The following MAGI1 variants were observed in gnomAD, a reference collection of about 807,000 sequenced individuals.
MAGI1 encodes membrane-associated guanylate kinase, WW and PDZ domain-containing protein 1.
In MAGI1, 58 loss-of-function variants were observed where a neutral mutation model predicts 139.9. The observed-to-expected ratio is 0.41, with a 90% confidence interval of 0.34 to 0.52. The LOEUF is 0.52. MAGI1 is among the 20% of genes least tolerant of loss of function. The pLI, the probability that MAGI1 is intolerant of heterozygous loss-of-function variation, is 0.12. For missense variants in MAGI1, 1,874 were observed against 1,901.6 expected, an observed-to-expected ratio of 0.99 and a Z score of 0.27; for synonymous variants, 812 against 737.9, an observed-to-expected ratio of 1.10 and a Z score of -1.63.
rs867814770 is a variant in MAGI1 at position 65,764,392 on chromosome 3, G to A, written c.314-142304C>T. Among the ~76,000 whole-genome samples the A allele has an allele frequency of 2.0e-5, 3 of 152,272 alleles. No individual in the cohort carries two copies. In the Middle Eastern group the frequency reaches 0.01, roughly 518 times the overall value. On this transcript the variant is annotated intron_variant, in intron 1 of 22. Transcript: ENST00000402939. The stretch of plus-strand genomic sequence containing the variant: ...CCCCTCTCCCCCACTATTCAAAAAG[G>A]AAAGGAAAAGCTGGATGTCTAGCTC...
chr3:65,742,761 G>A (rs2035382586), intron 1 of MAGI1, among the ~76,000 whole-genome samples: 1 of 152,180 alleles, frequency 6.6e-6, no homozygotes. Flanking sequence ...ACAGGATTCT[G>A]CTGAGCTGGT....
chr3:65,861,381 A>G (rs2059551037), intron 1 of MAGI1, among the ~76,000 whole-genome samples: 1 of 152,170 alleles, frequency 6.6e-6, no homozygotes, highest in Non-Finnish European at 1.5e-5. Context: ...GTCACTCTTG[A>G]GTTACCCTCT....
intron 12 of MAGI1, among the ~76,000 whole-genome samples, chr3:65,416,320 G>C (rs1352355885): frequency 6.6e-6 from 1 of 152,162 alleles, no homozygotes; most frequent in East Asian, 1.9e-4. Flanking sequence ...GTCATAGCTG[G>C]TCCATGTTGC....
chr3:65,493,254 A>G (rs1952188164), intron 3 of MAGI1, among the ~76,000 whole-genome samples: 1 of 152,200 alleles, frequency 6.6e-6, no homozygotes, highest in South Asian at 2.1e-4. Flanking sequence ...TCCGTATTAA[A>G]AACAAAACAC....
chr3:65,726,276 A>G (rs1189052468), intron 1 of MAGI1, among the ~76,000 whole-genome samples: 1 of 152,240 alleles, frequency 6.6e-6, no homozygotes, highest in East Asian at 1.9e-4. Context: ...TTAATATTTC[A>G]CAATGAGAAA....
In MAGI1 at chr3:65,364,918, A is replaced by G. The variant is rs748764569; in HGVS notation, c.3225T>C (p.Asn1075=). 2 of 1,613,856 alleles carry G rather than the reference A, an allele frequency of 1.2e-6. No homozygotes were observed. The highest frequency in any genetic ancestry group is 1.7e-6 in the Non-Finnish European group (2 of 1,179,930). The change falls in exon 19 of 23, where the codon AAT becomes AAC. Residue 1075 remains asparagine, a synonymous_variant. Transcript: ENST00000402939. ...DESSNATLLT[N]AEKIATITTT... ...TGGTGATGGTGGCAATCTTCTCTGC[A>G]TTGGTCAGCAAGGTGGCATTCGAGG...
chr3:65,690,197 G>A (rs566538110), intron 1 of MAGI1, among the ~76,000 whole-genome samples: 17 of 152,262 alleles, frequency 1.1e-4, no homozygotes, highest in African/African-American at 4.1e-4. Context: ...AGACTACATG[G>A]AGTCTATTTG....
chr3:65,878,194 C>T (rs1288347085), intron 1 of MAGI1, among the ~76,000 whole-genome samples: 1 of 152,048 alleles, frequency 6.6e-6, no homozygotes, highest in African/African-American at 2.4e-5. Flanking sequence ...AACACGGTTT[C>T]CAGGCTTCAA....
At chr3:65,623,183 G>C (rs1395300036) in intron 1 of MAGI1, among the ~76,000 whole-genome samples, 8 of 152,198 alleles carry the variant, frequency 5.3e-5, no homozygotes, top group Non-Finnish European at 1.2e-4. Flanking sequence ...CAGACAGAGA[G>C]AGAGACATAG....
At chr3:65,837,266 C>T (rs2042864682) in intron 1 of MAGI1, among the ~76,000 whole-genome samples, 2 of 152,216 alleles carry the variant, frequency 1.3e-5, no homozygotes, top group Non-Finnish European at 2.9e-5. Context: ...CCTGGCGCTG[C>T]CCACCTCCAT....
intron 4 of MAGI1, 128 bp from the exon 5 acceptor site, chr3:65,470,612 T>G: frequency 1.8e-6 from 1 of 563,716 alleles, no homozygotes; most frequent in Non-Finnish European, 3.1e-6. Context: ...CTCTTATCCT[T>G]TCCTAATTCC....
intron 1 of MAGI1, among the ~76,000 whole-genome samples, chr3:65,712,267 C>T (rs959186182): frequency 5.3e-5 from 8 of 151,878 alleles, no homozygotes; most frequent in African/African-American, 1.5e-4. Flanking sequence ...TCAGTCTTGG[C>T]GCCCACCCAC....
intron 3 of MAGI1, among the ~76,000 whole-genome samples, chr3:65,492,522 C>G (rs1229293144): frequency 2.0e-5 from 3 of 152,016 alleles, no homozygotes; most frequent in Admixed American, 6.5e-5. Context: ...AGAAGAAAAC[C>G]AGAAGTGCTT....
At chr3:65,527,644 G>C (rs2078448737) in intron 2 of MAGI1, among the ~76,000 whole-genome samples, 1 of 152,186 alleles carries the variant, frequency 6.6e-6, no homozygotes, top group Admixed American at 6.5e-5. Flanking sequence ...AGAACAGTGT[G>C]AACCCGGGGG....
chr3:65,404,919 A>G (rs1225873069), intron 12 of MAGI1, among the ~76,000 whole-genome samples: 1 of 152,204 alleles, frequency 6.6e-6, no homozygotes. Flanking sequence ...TGGCAGCAGG[A>G]AGTCTGTGTT....
At chr3:65,874,696 T>A (rs866633123) in intron 1 of MAGI1, 1 of 152,212 alleles carries the variant, frequency 6.6e-6, no homozygotes, top group Non-Finnish European at 1.5e-5. Context: ...TAGGAAGCAG[T>A]CTGGCAGTTA....
At chr3:65,692,893 T>A (rs889326334) in intron 1 of MAGI1, among the ~76,000 whole-genome samples, 2 of 152,030 alleles carry the variant, frequency 1.3e-5, no homozygotes, top group African/African-American at 4.8e-5. Flanking sequence ...ACCTTGGCCT[T>A]CCCAACTTCC....
intron 1 of MAGI1, among the ~76,000 whole-genome samples, 165 bp downstream of exon 1, chr3:66,037,831 C>T (rs2069024022): frequency 6.6e-6 from 1 of 152,232 alleles, no homozygotes; most frequent in African/African-American, 2.4e-5. Context: ...AAACAACCCT[C>T]AACCTCGCAA....
At chr3:66,018,235 CA>C (rs1219197651) in intron 1 of MAGI1, among the ~76,000 whole-genome samples, 2 of 152,108 alleles carry the variant, frequency 1.3e-5, no homozygotes, top group Non-Finnish European at 2.9e-5. Context: ...GCAGCCCCTG[CA>C]TATTTTCACA....
Sources: gnomAD v4.1 joint callset for allele counts (sites outside exome capture counted in the v4.1 genomes callset) on GRCh38, gnomAD v4.1.1 for gene constraint, MANE v1.5 for transcripts, NCBI Gene and HGNC (gene_info 2026-07-23, HGNC 2026-07-21) for gene names.